Variants in RBMS3 observed in about 807,000 individuals in gnomAD.
The protein encoded by RBMS3 is RNA binding motif single stranded interacting protein 3, also known as RNA-binding motif, single-stranded-interacting protein 3.
Under a neutral mutation model 66.8 loss-of-function variants are expected in RBMS3, and 27 were observed. The ratio of observed to expected loss-of-function variants is 0.40; its 90% CI spans 0.30 to 0.56. The LOEUF (loss-of-function observed/expected upper bound fraction) is 0.56, where lower values mean the gene tolerates loss of function less well. RBMS3 is among the 20% of genes least tolerant of loss of function. RBMS3 has a pLI of 0.40. For synonymous variants in RBMS3, 188 were observed against 183.0 expected (o/e 1.03, Z -0.22); for missense variants, 513 against 549.5 (o/e 0.93, Z 0.66).
intron 6 of RBMS3, among the ~76,000 whole-genome samples, chr3:29,831,638 A>C (rs2058372285): frequency 6.6e-6 from 1 of 152,128 alleles, no homozygotes; most frequent in African/African-American, 2.4e-5. Context: ...TGGAAGTTAA[A>C]ACAAATATTT....
chr3:29,711,861 C>T (rs1377980857), intron 4 of RBMS3, among the ~76,000 whole-genome samples: 4 of 152,162 alleles, frequency 2.6e-5, no homozygotes, highest in Non-Finnish European at 5.9e-5. Flanking sequence ...AGCAAACCAA[C>T]TACATTATTT....
At chr3:29,654,521 CGTGTGT>C (rs56163408) in intron 4 of RBMS3, among the ~76,000 whole-genome samples, 20,938 of 118,742 alleles carry the variant, frequency 0.18, 1,762 homozygotes, top group East Asian at 0.27. Context: ...GAATTGGATT[CGTGTGT>C]GTGTGTGTGT....
At chr3:29,941,479 ACACT>A (rs1172151717) in intron 11 of RBMS3, among the ~76,000 whole-genome samples, 2 of 151,836 alleles carry the variant, frequency 1.3e-5, no homozygotes, top group African/African-American at 2.4e-5. Flanking sequence ...ATTAATTAAA[ACACT>A]CAAATACAAA....
chr3:29,843,423 A>G (rs1208206311), intron 6 of RBMS3, among the ~76,000 whole-genome samples: 1 of 152,198 alleles, frequency 6.6e-6, no homozygotes, highest in South Asian at 2.1e-4. Flanking sequence ...TACAGGTGTG[A>G]TCTTAAAACA....
chr3:29,536,381 C>CA lies in RBMS3; in HGVS notation c.307+47890dup, dbSNP rs34739116. 1.2e-4 allele frequency among the ~76,000 whole-genome samples: 18 copies of CA among 151,306 alleles called. No individual in the cohort carries two copies. The South Asian group carries it at 3.3e-3, about 28-fold the overall frequency. On this transcript the variant is annotated intron_variant, in intron 3 of 14. Transcript: ENST00000383767. ...TGTATTAATTTTTTTTCAGACTGGC[C>CA]AAAAAAAATTTACTTCCAAGATTAC...
chr3:29,513,689 T>TGA (rs35474342), intron 3 of RBMS3, among the ~76,000 whole-genome samples: 24,545 of 152,126 alleles, frequency 0.16, 2,553 homozygotes, highest in East Asian at 0.48. Context: ...ACAGAGTTTG[T>TGA]GAGAAGTATG....
At chr3:29,395,605 A>G (rs1292673199) in intron 1 of RBMS3, among the ~76,000 whole-genome samples, 1 of 152,224 alleles carries the variant, frequency 6.6e-6, no homozygotes, top group Non-Finnish European at 1.5e-5. Flanking sequence ...TCTTTATAAA[A>G]TGTTCCACTT....
At chr3:29,660,414 T>C (rs189431019) in intron 4 of RBMS3, among the ~76,000 whole-genome samples, 14 of 152,354 alleles carry the variant, frequency 9.2e-5, no homozygotes, top group Middle Eastern at 3.4e-3. Context: ...TTTCTATCTG[T>C]GTCTTTGAAC....
At chr3:29,895,460 C>T (rs1191789445) in intron 8 of RBMS3, among the ~76,000 whole-genome samples, 2 of 151,454 alleles carry the variant, frequency 1.3e-5, no homozygotes, top group African/African-American at 4.8e-5. Context: ...TATAGTTTTG[C>T]CTTTTCCCTA....
Position 29,650,762 on chromosome 3 carries a change from A to T in RBMS3, c.399+63557A>T, listed in dbSNP as rs2050118031. On this transcript the variant is annotated intron_variant, in intron 4 of 14. Coordinates refer to ENST00000383767, the MANE Select transcript of RBMS3 (RefSeq NM_001003793.3). Reference sequence around the variant, plus strand: ...CTTAAGTTATTAAAAGGCAGCACTAAAATAATCTTTCAGGTATGTTAGCTA... The same window carrying T: ...CTTAAGTTATTAAAAGGCAGCACTATAATAATCTTTCAGGTATGTTAGCTA... 2.0e-5 allele frequency among the ~76,000 whole-genome samples: 3 copies of T among 152,204 alleles called. No homozygotes were observed. In the South Asian group the frequency reaches 6.2e-4, roughly 31 times the overall value.
At chr3:29,637,086 T>C (rs1309053042) in intron 4 of RBMS3, among the ~76,000 whole-genome samples, 2 of 151,928 alleles carry the variant, frequency 1.3e-5, no homozygotes, top group African/African-American at 4.8e-5. Context: ...TTTACAATGA[T>C]GCCACTCAAA....
chr3:29,820,740 C>T (rs1380424863), intron 6 of RBMS3, among the ~76,000 whole-genome samples: 1 of 152,070 alleles, frequency 6.6e-6, no homozygotes, highest in African/African-American at 2.4e-5. Context: ...AATTAATGCA[C>T]GTGGTGCTAC....
chr3:29,319,503 G>A (rs1277649401), intron 1 of RBMS3, among the ~76,000 whole-genome samples: 1 of 151,932 alleles, frequency 6.6e-6, no homozygotes, highest in Non-Finnish European at 1.5e-5. Flanking sequence ...CCGTAAGGGA[G>A]GCATAAGCGA....
chr3:29,608,506 C>A (rs1427714612), intron 4 of RBMS3, among the ~76,000 whole-genome samples: 4 of 151,968 alleles, frequency 2.6e-5, no homozygotes, highest in Non-Finnish European at 5.9e-5. Context: ...ATGTTCCAAG[C>A]TAATCCCTTG....
At chr3:29,291,353 T>A (rs967277839) in intron 1 of RBMS3, among the ~76,000 whole-genome samples, 2 of 151,918 alleles carry the variant, frequency 1.3e-5, no homozygotes, top group Non-Finnish European at 2.9e-5. Flanking sequence ...GGGAGGGACA[T>A]GTGGTAGAAC....
intron 2 of RBMS3, among the ~76,000 whole-genome samples, chr3:29,437,604 G>C (rs1002327079): frequency 6.6e-6 from 1 of 152,118 alleles, no homozygotes; most frequent in African/African-American, 2.4e-5. Flanking sequence ...GGGATTTATT[G>C]CTTAGATTAT....
At chr3:29,680,526 C>T (rs1245905359) in intron 4 of RBMS3, among the ~76,000 whole-genome samples, 1 of 152,136 alleles carries the variant, frequency 6.6e-6, no homozygotes, top group Non-Finnish European at 1.5e-5. Flanking sequence ...TGAAATATTT[C>T]TTGATTTTAA....
chr3:29,510,282 T>G (rs887674080), intron 3 of RBMS3, among the ~76,000 whole-genome samples: 2 of 152,188 alleles, frequency 1.3e-5, no homozygotes, highest in African/African-American at 2.4e-5. Flanking sequence ...TATGTATCTT[T>G]GACACCAAGA....
At chr3:29,542,003 C>T (rs1009205984) in intron 3 of RBMS3, among the ~76,000 whole-genome samples, 1 of 152,162 alleles carries the variant, frequency 6.6e-6, no homozygotes, top group African/African-American at 2.4e-5. Flanking sequence ...CTATCTTTTT[C>T]CCCTTGAAAA....
Sources: allele counts gnomAD v4.1 joint callset (sites outside exome capture counted in the v4.1 genomes callset), GRCh38; gene constraint gnomAD v4.1.1; transcripts MANE v1.5; gene names NCBI Gene and HGNC (gene_info 2026-07-23, HGNC 2026-07-21).